Variants in RORA observed in about 807,000 individuals in gnomAD.
The protein encoded by RORA is nuclear receptor ROR-alpha.
RORA carries 7 observed loss-of-function variants against 69.5 expected under a neutral mutation model. The ratio of observed to expected loss-of-function variants is 0.10; its 90% CI spans 0.06 to 0.19. RORA has a LOEUF of 0.19. Among genes scored for constraint, RORA ranks in the 10% least tolerant of loss-of-function variants. RORA has a pLI of 1.00. For synonymous variants in RORA, 261 were observed against 240.8 expected (o/e 1.08, Z -0.78); for missense variants, 457 against 663.0 (o/e 0.69, Z 3.41).
chr15:60,852,023 C>A (rs79409065), intron 1 of RORA, among the ~76,000 whole-genome samples: 20,500 of 152,094 alleles, frequency 0.13, 1,461 homozygotes, highest in Middle Eastern at 0.2. Context: ...AGCTGGGGAA[C>A]AAGCAACACT....
chr15:60,627,382 C>T, intron 2 of RORA: 1 of 1,614,114 alleles, frequency 6.2e-7, no homozygotes, highest in African/African-American at 1.3e-5. Context: ...CATGCCTTTT[C>T]CTGGTTACCC....
At chr15:61,156,464 A>G (rs2079444034) in intron 1 of RORA, among the ~76,000 whole-genome samples, 2 of 152,122 alleles carry the variant, frequency 1.3e-5, no homozygotes, top group Non-Finnish European at 2.9e-5. Context: ...CTCCTGGAAG[A>G]GCCAGTTCCA....
chr15:60,744,447 T>C (rs528650374), intron 1 of RORA, among the ~76,000 whole-genome samples: 1 of 152,262 alleles, frequency 6.6e-6, no homozygotes, highest in African/African-American at 2.4e-5. Context: ...GGGAGGCATC[T>C]TGCCATAGTT....
intron 1 of RORA, among the ~76,000 whole-genome samples, chr15:60,861,166 A>C (rs2073432612): frequency 6.6e-6 from 1 of 152,204 alleles, no homozygotes; most frequent in Non-Finnish European, 1.5e-5. Context: ...TGGAATTGAC[A>C]ATGCATGAGG....
At chr15:60,827,393 A>G (rs1053585628) in intron 1 of RORA, among the ~76,000 whole-genome samples, 1 of 152,274 alleles carries the variant, frequency 6.6e-6, no homozygotes, top group Admixed American at 6.5e-5. Flanking sequence ...TGGCACGTAA[A>G]AAAATCCAAA....
intron 1 of RORA, among the ~76,000 whole-genome samples, chr15:60,704,869 A>G (rs13329075): frequency 0.073 from 11,124 of 152,218 alleles, 436 homozygotes; most frequent in African/African-American, 0.092. Flanking sequence ...TCTGGATGGT[A>G]AATGAGCTTG....
intron 2 of RORA, among the ~76,000 whole-genome samples, chr15:60,637,526 T>C (rs1596085277): frequency 1.3e-5 from 2 of 152,162 alleles, no homozygotes; most frequent in African/African-American, 4.8e-5. Flanking sequence ...TAGATAAATA[T>C]GCAGAAATAC....
chr15:60,557,059 A>G (rs2067385709), intron 2 of RORA: 1 of 665,706 alleles, frequency 1.5e-6, no homozygotes. Flanking sequence ...TAGGTAGCCA[A>G]CTCCCACTGT....
At chr15:60,844,578 C>A (rs931282865) in intron 1 of RORA, among the ~76,000 whole-genome samples, 5 of 152,164 alleles carry the variant, frequency 3.3e-5, no homozygotes, top group African/African-American at 4.8e-5. Context: ...CTAGAAGGAG[C>A]TGGTTGCTCT....
At chr15:60,961,393 G>C (rs1316576529) in intron 1 of RORA, among the ~76,000 whole-genome samples, 1 of 152,110 alleles carries the variant, frequency 6.6e-6, no homozygotes, top group East Asian at 1.9e-4. Context: ...TCCCACCTGA[G>C]ATACAGGTAC....
At position 60,903,066 on chromosome 15, in the gene RORA, C is replaced by T. The variant is rs191992668; in HGVS notation, c.167-224380G>A. On this transcript the variant is annotated intron_variant, in intron 1 of 10. Coordinates refer to ENST00000335670, the MANE Select transcript of RORA (RefSeq NM_134261.3). Reference sequence around the variant, plus strand: ...CTGGTCTTCCTCTCTGTATATGGGACACTATCTTGACCTTTCTGGCTGAGT... The same window carrying T: ...CTGGTCTTCCTCTCTGTATATGGGATACTATCTTGACCTTTCTGGCTGAGT... Among the ~76,000 whole-genome samples the T allele has an allele frequency of 1.2e-3, 178 of 152,320 alleles. 1 individual carries two copies. Among genetic ancestry groups the T allele is most frequent in the Non-Finnish European group, 2.6e-4 (18 of 68,032 alleles).
chr15:60,569,500 T>C (rs377646317), intron 2 of RORA, among the ~76,000 whole-genome samples: 1 of 152,192 alleles, frequency 6.6e-6, no homozygotes, highest in South Asian at 2.1e-4. Context: ...TTAGTAAATA[T>C]GTAGTAGATG....
Position 60,997,572 on chromosome 15 carries a change from A to G in RORA, c.166+231481T>C, listed in dbSNP as rs1366699695. 4.6e-5 allele frequency among the ~76,000 whole-genome samples: 7 copies of G among 152,302 alleles called. No individual in the cohort carries two copies. In the East Asian group the frequency reaches 1.3e-3, roughly 29 times the overall value. On this transcript the variant is annotated intron_variant, in intron 1 of 10. Coordinates refer to ENST00000335670, the MANE Select transcript of RORA (RefSeq NM_134261.3). ...TCCCCTGAGAATGGCTGCTTCTCAA[A>G]TAGTGTGTTTTAAAAAATTAAGATA... is the stretch of plus-strand genomic sequence containing the variant.
At chr15:61,225,835 T>C (rs1051988329) in intron 1 of RORA, among the ~76,000 whole-genome samples, 1 of 151,804 alleles carries the variant, frequency 6.6e-6, no homozygotes. Flanking sequence ...TTCGCTGTGG[T>C]TTTTTTTCCG....
intron 1 of RORA, among the ~76,000 whole-genome samples, chr15:60,980,525 A>C (rs745813983): frequency 6.6e-6 from 1 of 152,120 alleles, no homozygotes; most frequent in Non-Finnish European, 1.5e-5. Flanking sequence ...TTTCTTTGTT[A>C]GAAGTTTTTT....
At chr15:60,957,579 A>G (rs1386009917) in intron 1 of RORA, among the ~76,000 whole-genome samples, 1 of 152,236 alleles carries the variant, frequency 6.6e-6, no homozygotes, top group Non-Finnish European at 1.5e-5. Context: ...TGTTGGAAAG[A>G]ACACTTTGCT....
chr15:60,806,396 C>A (rs1159346295), intron 1 of RORA, among the ~76,000 whole-genome samples: 1 of 152,146 alleles, frequency 6.6e-6, no homozygotes, highest in Non-Finnish European at 1.5e-5. Context: ...CTAAATCAGG[C>A]CAGACCAGAA....
chr15:61,069,073 C>T (rs1396066962), intron 1 of RORA, among the ~76,000 whole-genome samples: 11 of 152,202 alleles, frequency 7.2e-5, no homozygotes, highest in South Asian at 6.2e-4. Flanking sequence ...AAGGGATATA[C>T]GATAGCAAAA....
intron 1 of RORA, among the ~76,000 whole-genome samples, chr15:60,999,395 A>G (rs1894673667): frequency 6.6e-6 from 1 of 152,170 alleles, no homozygotes; most frequent in Admixed American, 6.5e-5. Context: ...AGCAGAGGGT[A>G]TCTTCCTGGC....
Sources: gnomAD v4.1 joint callset for allele counts (sites outside exome capture counted in the v4.1 genomes callset) on GRCh38, gnomAD v4.1.1 for gene constraint, MANE v1.5 for transcripts, NCBI Gene and HGNC (gene_info 2026-07-23, HGNC 2026-07-21) for gene names.